The following AGTR1 variants were observed in gnomAD, a reference collection of about 807,000 sequenced individuals.
The protein encoded by AGTR1 is angiotensin II receptor type 1.
Under a neutral mutation model 19.4 loss-of-function variants are expected in AGTR1, and 16 were observed. The observed-to-expected ratio is 0.82, with a 90% CI of 0.56 to 1.25. The LOEUF (loss-of-function observed/expected upper bound fraction) is 1.25. AGTR1 is among the 50% of genes most tolerant of loss of function. The pLI is 0.00. For synonymous variants in AGTR1, 153 were observed against 154.9 expected (o/e 0.99, Z 0.09); for missense variants, 373 against 431.9 (o/e 0.86, Z 1.21).
At chr3:148,725,301 T>C (rs1027894491) in intron 2 of AGTR1, among the ~76,000 whole-genome samples, 2 of 152,234 alleles carry the variant, frequency 1.3e-5, no homozygotes, top group Non-Finnish European at 2.9e-5. Flanking sequence ...ATTTGTACTT[T>C]ATGTGTTTAT....
chr3:148,715,793 A>ATAAGAAAGT, intron 2 of AGTR1, among the ~76,000 whole-genome samples: 1 of 152,322 alleles, frequency 6.6e-6, no homozygotes, highest in South Asian at 2.1e-4. Context: ...AAATTGGACC[A>ATAAGAAAGT]TAAGAAAGTT....
Position 148,741,471 on chromosome 3 carries a change from A to T in AGTR1, c.436A>T (p.Lys146Ter). 1.2e-6 allele frequency: 2 copies of T among 1,612,908 alleles called. No individual in the cohort carries two copies. The highest frequency in any genetic ancestry group is 2.2e-5 in the South Asian group (2 of 91,090). The change falls in exon 3 of 3, where the codon AAA becomes TAA. Residue 146 changes from lysine (K) to a stop codon, truncating the protein, a stop_gained. Coordinates refer to ENST00000349243, the MANE Select transcript of AGTR1 (RefSeq NM_000685.5). LOFTEE classifies it high-confidence loss of function. ...SRLRRTMLVA[K>*]VTCIIIWLLA... ...CCTTCGACGCACAATGCTTGTAGCCAAAGTCACCTGCATCATCATTTGGCT... is the reference window on the plus strand; with the variant it reads ...CCTTCGACGCACAATGCTTGTAGCCTAAGTCACCTGCATCATCATTTGGCT...
At chr3:148,713,592 A>G (rs1297183691) in intron 2 of AGTR1, among the ~76,000 whole-genome samples, 1 of 152,134 alleles carries the variant, frequency 6.6e-6, no homozygotes, top group Non-Finnish European at 1.5e-5. Context: ...TGGGAAGCAA[A>G]TGTAATTAGA....
intron 1 of AGTR1, among the ~76,000 whole-genome samples, chr3:148,700,187 G>T (rs1712255368): frequency 6.6e-6 from 1 of 151,956 alleles, no homozygotes; most frequent in Non-Finnish European, 1.5e-5. Flanking sequence ...TTTTGTTTTG[G>T]TTTTTTGTTC....
intron 2 of AGTR1, among the ~76,000 whole-genome samples, chr3:148,709,698 T>G (rs1288180976): frequency 6.6e-6 from 1 of 152,152 alleles, no homozygotes; most frequent in East Asian, 1.9e-4. Flanking sequence ...ATACAAAAAG[T>G]GTTCACAAAA....
At chr3:148,723,884 T>C (rs2107951233) in intron 2 of AGTR1, among the ~76,000 whole-genome samples, 1 of 152,148 alleles carries the variant, frequency 6.6e-6, no homozygotes, top group East Asian at 1.9e-4. Flanking sequence ...AAGTCTTCAG[T>C]CTAGTTAAAA....
At chr3:148,699,598 C>T (rs1327596501) in intron 1 of AGTR1, among the ~76,000 whole-genome samples, 1 of 152,150 alleles carries the variant, frequency 6.6e-6, no homozygotes, top group Non-Finnish European at 1.5e-5. Flanking sequence ...AGCATTATTT[C>T]ACAACTCTGA....
At position 148,716,649 on chromosome 3, in the gene AGTR1, C is replaced by T. The variant is rs1399151909; in HGVS notation, c.-48+8622C>T. On this transcript the variant is annotated intron_variant, in intron 2 of 2. Transcript: ENST00000349243. The surrounding 1 kb of genome is among the most constrained non-coding windows in gnomAD (Gnocchi z 4.7). Reference sequence around the variant, plus strand: ...AGTTCATCACAACTTCCTTCAAATCCTTCTGCCACTGATTTCTCTCCTGAA... The same window carrying T: ...AGTTCATCACAACTTCCTTCAAATCTTTCTGCCACTGATTTCTCTCCTGAA... Among the ~76,000 whole-genome samples, 1 of 152,100 alleles carries T rather than the reference C, an allele frequency of 6.6e-6. No homozygotes were observed. The highest frequency in any genetic ancestry group is 6.6e-5 in the Admixed American group (1 of 15,260).
intron 2 of AGTR1, among the ~76,000 whole-genome samples, chr3:148,738,116 G>A (rs1353145323): frequency 6.6e-6 from 1 of 152,108 alleles, no homozygotes; most frequent in Non-Finnish European, 1.5e-5. Flanking sequence ...TAGGATTAAT[G>A]GAACCCACAT....
chr3:148,727,698 C>T (rs1457877599), intron 2 of AGTR1, among the ~76,000 whole-genome samples: 1 of 152,182 alleles, frequency 6.6e-6, no homozygotes, highest in Non-Finnish European at 1.5e-5. Flanking sequence ...AAGCACCCAA[C>T]ACAGCTTTAG....
intron 2 of AGTR1, among the ~76,000 whole-genome samples, chr3:148,708,320 G>T (rs950780724): frequency 6.6e-6 from 1 of 152,100 alleles, no homozygotes. Flanking sequence ...ATGGCCACAG[G>T]TGATTCCTTT....
At chr3:148,713,320 A>AATAT (rs3039555) in intron 2 of AGTR1, among the ~76,000 whole-genome samples, 1 of 148,162 alleles carries the variant, frequency 6.7e-6, no homozygotes, top group Non-Finnish European at 1.5e-5. Context: ...GGAGGGGGGG[A>AATAT]ATATATATAT....
At chr3:148,724,176 A>T (rs1346133477) in intron 2 of AGTR1, among the ~76,000 whole-genome samples, 1 of 152,222 alleles carries the variant, frequency 6.6e-6, no homozygotes, top group Non-Finnish European at 1.5e-5. Flanking sequence ...GGCACAGTTG[A>T]CTATAGCTGA....
Position 148,741,850 on chromosome 3 carries a change from G to A in AGTR1, c.815G>A (p.Arg272His), listed in dbSNP as rs1218342417. 7 of 1,613,832 alleles carry A rather than the reference G, an allele frequency of 4.3e-6. No homozygotes were observed. The highest frequency in any genetic ancestry group is 1.6e-4 in the Middle Eastern group (1 of 6,084). ...LDVLIQLGIIRDCRIADIVDT... is the reference protein window; with the variant it reads ...LDVLIQLGIIHDCRIADIVDT... Reference sequence around the variant, plus strand: ...GTATTGATTCAACTAGGCATCATACGTGACTGTAGAATTGCAGATATTGTG... The same window carrying A: ...GTATTGATTCAACTAGGCATCATACATGACTGTAGAATTGCAGATATTGTG... The change falls in exon 3 of 3, where the codon CGT becomes CAT. Residue 272 changes from arginine (R) to histidine (H), a missense_variant. By Grantham distance (29) the Arg-to-His change is conservative. Transcript: ENST00000349243.
At chr3:148,729,167 C>T (rs887090328) in intron 2 of AGTR1, among the ~76,000 whole-genome samples, 4 of 152,096 alleles carry the variant, frequency 2.6e-5, no homozygotes, top group African/African-American at 9.7e-5. Flanking sequence ...GTAATAAAAG[C>T]AGAAGTCACG....
chr3:148,736,168 A>C (rs1038522909), intron 2 of AGTR1, among the ~76,000 whole-genome samples: 1 of 152,232 alleles, frequency 6.6e-6, no homozygotes, highest in African/African-American at 2.4e-5. Flanking sequence ...AAAAAAGGAA[A>C]GAAAATCTTC....
chr3:148,702,631 T>C (rs1712415455), intron 1 of AGTR1, among the ~76,000 whole-genome samples: 1 of 152,182 alleles, frequency 6.6e-6, no homozygotes, highest in African/African-American at 2.4e-5. Context: ...CCAGATGGTG[T>C]GTCTAAAGTG....
intron 2 of AGTR1, among the ~76,000 whole-genome samples, chr3:148,729,683 G>A (rs138049472): frequency 2.0e-5 from 3 of 152,240 alleles, no homozygotes; most frequent in African/African-American, 4.8e-5. Flanking sequence ...ATTAGAAAAC[G>A]CAAGTAGCCT....
chr3:148,707,899 C>A (rs778052876), intron 1 of AGTR1, 45 bp from the exon 2 acceptor site: 2 of 152,092 alleles, frequency 1.3e-5, no homozygotes, highest in Non-Finnish European at 2.9e-5. Context: ...AAATAAAAAC[C>A]TGACTATATT....
Sources: gnomAD v4.1 joint callset for allele counts (sites outside exome capture counted in the v4.1 genomes callset) on GRCh38, gnomAD v4.1.1 for gene constraint, Gnocchi (gnomAD v3.1) non-coding constraint, MANE v1.5 for transcripts, NCBI Gene and HGNC (gene_info 2026-07-23, HGNC 2026-07-21) for gene names.